The following ST6GALNAC3 variants were observed in gnomAD, a reference collection of about 807,000 sequenced individuals.
ST6GALNAC3 encodes alpha-N-acetylgalactosaminide alpha-2,6-sialyltransferase 3.
A neutral mutation model predicts 32.7 loss-of-function variants in ST6GALNAC3; 25 were observed. The observed-to-expected ratio is 0.76, with a 90% CI of 0.56 to 1.07. The LOEUF (loss-of-function observed/expected upper bound fraction) is 1.07. Ranked by LOEUF, ST6GALNAC3 falls within the 50% of genes least tolerant of loss-of-function variation. The pLI, the probability that ST6GALNAC3 is intolerant of heterozygous loss-of-function variation, is 0.00. For synonymous variants in ST6GALNAC3, 129 were observed against 133.1 expected, an observed-to-expected ratio of 0.97 and a Z score of 0.21; for missense variants, 355 against 382.4, an observed-to-expected ratio of 0.93 and a Z score of 0.60.
rs1570435043 is a variant in ST6GALNAC3, at chr1:76,608,110, C to A, written c.624-19342C>A. On this transcript the variant is annotated intron_variant, in intron 3 of 4. Transcript: ENST00000328299. ...CCTCATATGAAGTACAATTTCATTA[C>A]AAAATAGCAAGTGCTTCCCAAGCCA... Among the ~76,000 whole-genome samples the A allele has an allele frequency of 2.0e-5, 3 of 152,136 alleles. No homozygotes were observed. The South Asian group carries it at 6.2e-4, about 31-fold the overall frequency.
intron 2 of ST6GALNAC3, among the ~76,000 whole-genome samples, chr1:76,321,951 G>GA: frequency 6.6e-6 from 1 of 152,082 alleles, no homozygotes; most frequent in Non-Finnish European, 1.5e-5. Flanking sequence ...TTTTATTGAT[G>GA]AAAAATCCAT....
intron 3 of ST6GALNAC3, among the ~76,000 whole-genome samples, chr1:76,599,878 A>T (rs1647195777): frequency 6.6e-6 from 1 of 152,004 alleles, no homozygotes; most frequent in Admixed American, 6.6e-5. Context: ...AGAATATACA[A>T]TTTTATATCC....
At chr1:76,079,948 G>A (rs972425897) in intron 1 of ST6GALNAC3, among the ~76,000 whole-genome samples, 1 of 152,112 alleles carries the variant, frequency 6.6e-6, no homozygotes, top group African/African-American at 2.4e-5. Context: ...ACCATGTACT[G>A]TCAATAAACT....
intron 2 of ST6GALNAC3, among the ~76,000 whole-genome samples, chr1:76,314,518 C>T (rs983181785): frequency 6.6e-5 from 10 of 152,108 alleles, no homozygotes; most frequent in African/African-American, 2.4e-4. Flanking sequence ...GGGTTAAAAT[C>T]GTGTAAATCC....
chr1:76,370,121 T>G (rs752966734), intron 2 of ST6GALNAC3, among the ~76,000 whole-genome samples: 2 of 152,194 alleles, frequency 1.3e-5, no homozygotes, highest in Non-Finnish European at 2.9e-5. Flanking sequence ...GAACCAACCA[T>G]GAAAAATGTG....
chr1:76,474,750 A>G (rs1659242194), intron 3 of ST6GALNAC3, among the ~76,000 whole-genome samples: 1 of 152,128 alleles, frequency 6.6e-6, no homozygotes, highest in African/African-American at 2.4e-5. Flanking sequence ...AAAGGTAGAG[A>G]TGTCAAGAGA....
intron 3 of ST6GALNAC3, among the ~76,000 whole-genome samples, chr1:76,598,293 A>C (rs542669985): frequency 1.3e-5 from 2 of 152,148 alleles, no homozygotes; most frequent in Non-Finnish European, 2.9e-5. Flanking sequence ...AGCCATAACC[A>C]GATGTTTTTG....
chr1:76,494,429 GTATATATATATA>G lies in ST6GALNAC3; in HGVS notation c.623+82041_623+82052del, dbSNP rs60378565. 1.7e-3 allele frequency among the ~76,000 whole-genome samples: 92 copies of G among 53,434 alleles called. 3 individuals are homozygous for G. Among genetic ancestry groups the G allele is most frequent in the South Asian group, 9.2e-3 (10 of 1,088 alleles). The allele number at this position is 53,434 out of a possible 152,430, so 35.1% of individuals were successfully genotyped here. A position where few individuals can be genotyped will look rare whatever the true frequency, so the allele number is the denominator to read the frequency against. The stretch of plus-strand genomic sequence containing the variant: ...TAGGACTAATAGGATGTGTGCATGT[GTATATATATATA>G]TATATATATATATATATATATATAT... On this transcript the variant is annotated intron_variant, in intron 3 of 4. Coordinates refer to ENST00000328299, the MANE Select transcript of ST6GALNAC3 (RefSeq NM_152996.4).
intron 1 of ST6GALNAC3, among the ~76,000 whole-genome samples, chr1:76,231,224 G>A (rs1012633398): frequency 1.3e-5 from 2 of 152,168 alleles, no homozygotes; most frequent in Non-Finnish European, 2.9e-5. Flanking sequence ...GCCAGGTCCA[G>A]CTGAGCTAAC....
chr1:76,636,039 G>A (rs925223291), downstream of ST6GALNAC3, among the ~76,000 whole-genome samples: 3 of 152,162 alleles, frequency 2.0e-5, no homozygotes, highest in East Asian at 5.8e-4. Context: ...TGGGTGAGTT[G>A]TTTGTTTTGA....
chr1:76,471,566 A>G (rs1364770572), intron 3 of ST6GALNAC3, among the ~76,000 whole-genome samples: 1 of 152,112 alleles, frequency 6.6e-6, no homozygotes, highest in Non-Finnish European at 1.5e-5. Flanking sequence ...TCCAATTTGC[A>G]CATTTATTGA....
intron 1 of ST6GALNAC3, among the ~76,000 whole-genome samples, chr1:76,082,832 C>T (rs1472973781): frequency 3.3e-5 from 5 of 150,404 alleles, no homozygotes; most frequent in Admixed American, 6.6e-5. Context: ...ACAGATTTGT[C>T]GGAGGCCAGA....
chr1:76,111,064 A>G (rs900125387), intron 1 of ST6GALNAC3, among the ~76,000 whole-genome samples: 2 of 152,190 alleles, frequency 1.3e-5, no homozygotes, highest in African/African-American at 4.8e-5. Flanking sequence ...CTTAGTAAGA[A>G]AGGCTTAGAG....
At chr1:76,532,457 C>T (rs985950350) in intron 3 of ST6GALNAC3, among the ~76,000 whole-genome samples, 8 of 152,142 alleles carry the variant, frequency 5.3e-5, no homozygotes, top group African/African-American at 7.2e-5. Flanking sequence ...TCATTCTCCC[C>T]TTCACTCTGA....
chr1:76,274,198 A>G lies in ST6GALNAC3; in HGVS notation c.19-39607A>G, dbSNP rs138269388. Among the ~76,000 whole-genome samples, 38 of 152,320 alleles carry G rather than the reference A, an allele frequency of 2.5e-4. 1 individual carries two copies. The East Asian group carries it at 3.9e-3, about 15-fold the overall frequency. On this transcript the variant is annotated intron_variant, in intron 1 of 4. Coordinates refer to ENST00000328299, the MANE Select transcript of ST6GALNAC3 (RefSeq NM_152996.4). The stretch of plus-strand genomic sequence containing the variant: ...TATGCATATGTGCACCTGTGGGTAC[A>G]TTATACATTTATATATGATTATATA...
chr1:76,426,987 T>C (rs1339621540), intron 3 of ST6GALNAC3, among the ~76,000 whole-genome samples: 1 of 152,020 alleles, frequency 6.6e-6, no homozygotes, highest in Non-Finnish European at 1.5e-5. Context: ...TCCAAAAAAG[T>C]AGATGTTTCA....
At chr1:76,526,146 A>G (rs1662898170) in intron 3 of ST6GALNAC3, among the ~76,000 whole-genome samples, 1 of 151,832 alleles carries the variant, frequency 6.6e-6, no homozygotes, top group South Asian at 2.1e-4. Context: ...TCCTTTGCCT[A>G]TCTCTCCAGG....
intron 1 of ST6GALNAC3, among the ~76,000 whole-genome samples, chr1:76,130,412 C>T (rs770321769): frequency 1.6e-4 from 24 of 152,294 alleles, no homozygotes; most frequent in Middle Eastern, 3.4e-3. Context: ...GCTGTGGGGG[C>T]ACAGTGGACT....
chr1:76,122,856 A>T (rs898135173), intron 1 of ST6GALNAC3, among the ~76,000 whole-genome samples: 20 of 152,158 alleles, frequency 1.3e-4, no homozygotes, highest in African/African-American at 4.8e-4. Context: ...GAGGATTGAG[A>T]CGAGAGCTAC....
Sources: allele counts gnomAD v4.1 joint callset (sites outside exome capture counted in the v4.1 genomes callset), GRCh38; gene constraint gnomAD v4.1.1; transcripts MANE v1.5; gene names NCBI Gene and HGNC (gene_info 2026-07-23, HGNC 2026-07-21).